Variants in ZNF609 observed in about 807,000 individuals in gnomAD.
The protein encoded by ZNF609 is zinc finger protein 609.
ZNF609 carries 11 observed loss-of-function variants against 109.5 expected under a neutral mutation model. The ratio of observed to expected loss-of-function variants is 0.10; its 90% CI spans 0.06 to 0.17. The LOEUF is 0.17. Ranked by LOEUF, ZNF609 falls within the 10% of genes least tolerant of loss-of-function variation. The pLI, the probability that ZNF609 is intolerant of heterozygous loss-of-function variation, is 1.00. For synonymous variants in ZNF609, 646 were observed against 662.0 expected (o/e 0.98, Z 0.37); for missense variants, 1,559 against 1,772.4 (o/e 0.88, Z 2.16).
intron 1 of ZNF609, among the ~76,000 whole-genome samples, chr15:64,495,899 A>C (rs1251021805): frequency 6.6e-6 from 1 of 151,476 alleles, no homozygotes; most frequent in Non-Finnish European, 1.5e-5. Context: ...GCTCACTGCA[A>C]CTTCTTCTTC....
intron 3 of ZNF609, among the ~76,000 whole-genome samples, chr15:64,659,000 G>A (rs898589561): frequency 3.3e-5 from 5 of 151,784 alleles, no homozygotes; most frequent in African/African-American, 1.2e-4. Flanking sequence ...TCACCATGTT[G>A]GCCAGGCTAG....
At chr15:64,583,266 C>T (rs2140428681) in intron 2 of ZNF609, among the ~76,000 whole-genome samples, 1 of 151,786 alleles carries the variant, frequency 6.6e-6, no homozygotes, top group South Asian at 2.1e-4. Flanking sequence ...TGGCGTGAAC[C>T]CAGGAGGCAG....
chr15:64,533,709 C>T (rs1894095744), intron 2 of ZNF609, among the ~76,000 whole-genome samples: 1 of 152,092 alleles, frequency 6.6e-6, no homozygotes, highest in African/African-American at 2.4e-5. Context: ...TGTTTGCTTT[C>T]AATTGACAGT....
At chr15:64,566,822 TTACGTCCTAGGAGAATG>T (rs1894784337) in intron 2 of ZNF609, among the ~76,000 whole-genome samples, 1 of 152,144 alleles carries the variant, frequency 6.6e-6, no homozygotes, top group African/African-American at 2.4e-5. Context: ...AGAGATTATA[TTACGTCCTAGGAGAATG>T]TAACTCAGTT....
At chr15:64,520,602 C>T (rs1048809988) in intron 2 of ZNF609, among the ~76,000 whole-genome samples, 6 of 151,930 alleles carry the variant, frequency 3.9e-5, no homozygotes, top group African/African-American at 1.2e-4. Flanking sequence ...TTTTTATTCT[C>T]GTTTTCTTAA....
At chr15:64,565,372 C>T (rs1159917644) in intron 2 of ZNF609, among the ~76,000 whole-genome samples, 1 of 151,870 alleles carries the variant, frequency 6.6e-6, no homozygotes, top group Non-Finnish European at 1.5e-5. Flanking sequence ...TGAGCCACCA[C>T]ACCCAGCCAC....
chr15:64,547,042 G>T (rs1595714164), intron 2 of ZNF609, among the ~76,000 whole-genome samples: 1 of 144,990 alleles, frequency 6.9e-6, no homozygotes, highest in East Asian at 2.1e-4. Context: ...CACCCACCTC[G>T]GCCTCCCAAA....
chr15:64,462,430 TTTTG>T (rs952071447), intron 1 of ZNF609, among the ~76,000 whole-genome samples: 7 of 152,174 alleles, frequency 4.6e-5, no homozygotes, highest in African/African-American at 1.7e-4. Flanking sequence ...ATGCAGTGAT[TTTTG>T]TTTGTTTCCG....
chr15:64,483,591 G>T (rs1893287716), intron 1 of ZNF609, among the ~76,000 whole-genome samples: 1 of 152,026 alleles, frequency 6.6e-6, no homozygotes, highest in African/African-American at 2.4e-5. Flanking sequence ...TGGCTATGTT[G>T]CCCAGGCTGG....
intron 1 of ZNF609, among the ~76,000 whole-genome samples, chr15:64,473,763 G>A (rs1460945716): frequency 6.6e-6 from 1 of 151,568 alleles, no homozygotes; most frequent in Non-Finnish European, 1.5e-5. Flanking sequence ...ATTTCACTAC[G>A]CCCAGCTAAT....
chr15:64,638,675 T>G (rs566995361), intron 3 of ZNF609, among the ~76,000 whole-genome samples: 18 of 151,090 alleles, frequency 1.2e-4, no homozygotes, highest in African/African-American at 4.4e-4. Flanking sequence ...GTGGACAGAT[T>G]TCTTGAGCCC....
At chr15:64,641,126 AT>A (rs1896246789) in intron 3 of ZNF609, among the ~76,000 whole-genome samples, 1 of 152,130 alleles carries the variant, frequency 6.6e-6, no homozygotes, top group South Asian at 2.1e-4. Flanking sequence ...TGGCTCTCTA[AT>A]AATACTTTTG....
At chr15:64,503,459 C>T (rs1272415829) in intron 2 of ZNF609, among the ~76,000 whole-genome samples, 1 of 152,108 alleles carries the variant, frequency 6.6e-6, no homozygotes, top group Non-Finnish European at 1.5e-5. Context: ...GGGAGGAGGG[C>T]AGGCGCCTGT....
intron 1 of ZNF609, among the ~76,000 whole-genome samples, chr15:64,488,707 T>C (rs555731234): frequency 9.2e-5 from 14 of 152,128 alleles, no homozygotes; most frequent in Admixed American, 3.3e-4. Flanking sequence ...GTCTAGAATA[T>C]AAAAAATGAA....
intron 2 of ZNF609, among the ~76,000 whole-genome samples, chr15:64,601,278 A>C (rs1895494122): frequency 6.6e-6 from 1 of 152,252 alleles, no homozygotes; most frequent in Admixed American, 6.5e-5. Flanking sequence ...TTTACTGAGC[A>C]TGAACTGAAG....
chr15:64,474,357 G>A (rs1354038503), intron 1 of ZNF609, among the ~76,000 whole-genome samples: 1 of 151,900 alleles, frequency 6.6e-6, no homozygotes, highest in African/African-American at 2.4e-5. Flanking sequence ...GGGATTACAG[G>A]CGTACGCCAC....
intron 2 of ZNF609, among the ~76,000 whole-genome samples, chr15:64,605,675 G>A (rs1024521774): frequency 4.0e-5 from 6 of 151,394 alleles, no homozygotes; most frequent in Admixed American, 3.9e-4. Flanking sequence ...ATTGCATAAT[G>A]TTATTAGTGG....
chr15:64,646,977 TAA>T (rs1314570843), intron 3 of ZNF609, among the ~76,000 whole-genome samples: 1 of 148,640 alleles, frequency 6.7e-6, no homozygotes, highest in Admixed American at 6.8e-5. Context: ...CCTGGTATGG[TAA>T]CACGTGCAGT....
At chr15:64,553,615 G>T (rs111893847) in intron 2 of ZNF609, among the ~76,000 whole-genome samples, 36,368 of 142,754 alleles carry the variant, frequency 0.25, 7,109 homozygotes, top group African/African-American at 0.54. Flanking sequence ...ATTTTATCTT[G>T]TGAGACAGAG....
Sources: allele counts gnomAD v4.1 joint callset (sites outside exome capture counted in the v4.1 genomes callset), GRCh38; gene constraint gnomAD v4.1.1; transcripts MANE v1.5; gene names NCBI Gene and HGNC (gene_info 2026-07-23, HGNC 2026-07-21).